The following GBP6 variants were observed in gnomAD, a reference collection of about 807,000 sequenced individuals.
GBP6 encodes the protein guanylate-binding protein 6.
Under a neutral mutation model 61.5 loss-of-function variants are expected in GBP6, and 54 were observed. That is an observed-to-expected ratio of 0.88 (90% CI 0.71 to 1.10). GBP6 has a LOEUF of 1.10. GBP6 is among the 50% of genes least tolerant of loss of function. GBP6 has a pLI of 0.00. For missense variants in GBP6, 748 were observed against 752.8 expected (o/e 0.99, Z 0.07); for synonymous variants, 255 against 273.7 (o/e 0.93, Z 0.67).
In GBP6 at chr1:89,369,619, G is replaced by A. The variant is rs762872417; in HGVS notation, c.264G>A (p.Lys88=). ...IWMWCVPHPS[K]PNHTLVLLDT... is the part of the protein sequence containing the mutation. ...TGTGGTGCGTGCCCCACCCATCCAA[G>A]CCAAACCACACCCTGGTCCTTCTGG... Residue 88 remains lysine (K), a synonymous_variant, in exon 3 of 11, where the codon AAG becomes AAA. Coordinates refer to ENST00000370456, the MANE Select transcript of GBP6 (RefSeq NM_198460.3). The A allele has an allele frequency of 6.2e-7, 1 of 1,614,096 alleles. No homozygotes were observed. The highest frequency in any genetic ancestry group is 8.5e-7 in the Non-Finnish European group (1 of 1,179,972).
intron 3 of GBP6, among the ~76,000 whole-genome samples, chr1:89,374,906 T>C (rs1236034170): frequency 6.6e-6 from 1 of 152,112 alleles, no homozygotes; most frequent in Non-Finnish European, 1.5e-5. Context: ...TTTTTCCTGC[T>C]TCTCTCCCTC....
intron 3 of GBP6, among the ~76,000 whole-genome samples, chr1:89,373,336 G>A (rs890775104): frequency 6.6e-6 from 1 of 152,118 alleles, no homozygotes; most frequent in African/African-American, 2.4e-5. Flanking sequence ...AAGGATTATA[G>A]ATCATGCTGC....
rs1324297741 is a variant in GBP6 at position 89,384,232 on chromosome 1, G to A, written c.1608G>A (p.Met536Ile). The change falls in exon 10 of 11, where the codon ATG (methionine) becomes ATA (isoleucine). Residue 536 changes from methionine (M) to isoleucine (I), a missense_variant. Met to Ile is a conservative substitution (Grantham distance 10). Coordinates refer to ENST00000370456, the MANE Select transcript of GBP6 (RefSeq NM_198460.3). ...NIAQLKEKLQ[M>I]EREHLLREQI... ...CCCAACTGAAGGAGAAGCTGCAGAT[G>A]GAGAGAGAACACCTACTGAGAGAGC... 1 of 1,614,054 alleles carries A rather than the reference G, an allele frequency of 6.2e-7. No homozygotes were observed. Among genetic ancestry groups the A allele is most frequent in the Non-Finnish European group, 8.5e-7 (1 of 1,179,992 alleles).
intron 3 of GBP6, among the ~76,000 whole-genome samples, chr1:89,376,004 T>G (rs1183674397): frequency 6.6e-6 from 1 of 152,196 alleles, no homozygotes; most frequent in Non-Finnish European, 1.5e-5. Context: ...TCTACTGCTA[T>G]GAGTTCAACT....
At chr1:89,367,524 G>T (rs76424206) in intron 1 of GBP6, among the ~76,000 whole-genome samples, 1 of 152,020 alleles carries the variant, frequency 6.6e-6, no homozygotes. Flanking sequence ...GGCTATTGTT[G>T]CTATTGAGTT....
intron 5 of GBP6, among the ~76,000 whole-genome samples, chr1:89,379,673 T>C (rs1419612673): frequency 6.6e-6 from 1 of 152,252 alleles, no homozygotes; most frequent in Non-Finnish European, 1.5e-5. Flanking sequence ...TCTGAGTGTG[T>C]ATCTGATAAA....
intron 5 of GBP6, among the ~76,000 whole-genome samples, 165 bp downstream of exon 5, chr1:89,378,778 C>T (rs1302174981): frequency 1.3e-5 from 2 of 152,154 alleles, no homozygotes; most frequent in Non-Finnish European, 2.9e-5. Context: ...GCCTAGTTCA[C>T]TTAAGAAAAG....
Position 89,385,351 on chromosome 1 carries a change from G to T in GBP6, c.1784G>T (p.Arg595Leu), listed in dbSNP as rs1411352004. Residue 595 changes from arginine to leucine, a missense_variant, in exon 11 of 11, where the codon CGA (arginine) becomes CTA (leucine). Arg to Leu is a moderately radical substitution (Grantham distance 102). Coordinates refer to ENST00000370456, the MANE Select transcript of GBP6 (RefSeq NM_198460.3). ...AATGATGATACTCCCTGGATTGCAC[G>T]AACCTTGGACAACCTTGCCGATGAG... ...TKNDDTPWIA[R>L]TLDNLADELT... is the part of the protein sequence containing the mutation. 4 of 1,614,048 alleles carry T rather than the reference G, an allele frequency of 2.5e-6. No individual in the cohort carries two copies. The South Asian group carries it at 3.3e-5, about 13-fold the overall frequency.
intron 5 of GBP6, among the ~76,000 whole-genome samples, chr1:89,380,170 G>A (rs1209968418): frequency 3.3e-5 from 5 of 152,136 alleles, no homozygotes; most frequent in Admixed American, 1.3e-4. Flanking sequence ...TTATATTCTT[G>A]TTACATTTAG....
intron 5 of GBP6, among the ~76,000 whole-genome samples, chr1:89,379,198 T>C (rs1004434773): frequency 1.3e-5 from 2 of 152,042 alleles, no homozygotes; most frequent in African/African-American, 4.8e-5. Flanking sequence ...TGTCACATGG[T>C]GAGAAAGGGA....
intron 3 of GBP6, among the ~76,000 whole-genome samples, chr1:89,374,662 T>C (rs562874596): frequency 7.2e-5 from 11 of 152,206 alleles, no homozygotes; most frequent in Non-Finnish European, 1.5e-4. Context: ...TAATTTGCAT[T>C]TCCTTGATAA....
At chr1:89,371,499 C>T (rs1398327101) in intron 3 of GBP6, among the ~76,000 whole-genome samples, 3 of 152,156 alleles carry the variant, frequency 2.0e-5, no homozygotes, top group African/African-American at 7.2e-5. Context: ...GGATGCAAGG[C>T]TGGTTCAACA....
intron 9 of GBP6, 138 bp downstream of exon 9, chr1:89,383,892 A>C: frequency 2.4e-6 from 2 of 829,994 alleles, no homozygotes; most frequent in Non-Finnish European, 3.8e-6. Flanking sequence ...TAAAATAACA[A>C]GGGGAGCTAT....
At position 89,384,349 on chromosome 1, in the gene GBP6, G is replaced by T. The variant is rs1653076391; in HGVS notation, c.1662+63G>T. On this transcript the variant is annotated intron_variant, in intron 10 of 10. Coordinates refer to ENST00000370456, the MANE Select transcript of GBP6 (RefSeq NM_198460.3). ...TCACCCAGGTACCTCAGGAAGGGCT[G>T]GTGAAGGTTACAGCAACATCATGAA... The T allele has an allele frequency of 2.9e-6, 4 of 1,358,246 alleles. No homozygotes were observed. In the African/African-American group the frequency reaches 5.9e-5, roughly 20 times the overall value. 84.1% of individuals were successfully genotyped at this position (1,358,246 alleles called of 1,614,324 possible). A position where few individuals can be genotyped will look rare whatever the true frequency, so the allele number is the denominator to read the frequency against.
At chr1:89,370,221 G>A (rs1457402309) in intron 3 of GBP6, among the ~76,000 whole-genome samples, 1 of 152,170 alleles carries the variant, frequency 6.6e-6, no homozygotes, top group East Asian at 1.9e-4. Context: ...TGTGATCCAG[G>A]CAGCACCTCA....
At position 89,384,158 on chromosome 1, in the gene GBP6, C is replaced by G; in HGVS notation, c.1534C>G (p.Gln512Glu). 6.2e-7 allele frequency: 1 copy of G among 1,614,004 alleles called. No individual in the cohort carries two copies. The highest frequency in any genetic ancestry group is 8.5e-7 in the Non-Finnish European group (1 of 1,179,932). Residue 512 changes from glutamine to glutamate, a missense_variant, in exon 10 of 11, where the codon CAG (glutamine) becomes GAG (glutamate). Transcript: ENST00000370456. ...QELLKQKLQE[Q>E]QQQMEAQDKS... ...ACTTTTAAAACAGAAATTACAGGAG[C>G]AGCAGCAACAGATGGAGGCTCAAGA...
At chr1:89,375,140 A>T (rs1034683489) in intron 3 of GBP6, among the ~76,000 whole-genome samples, 1 of 152,164 alleles carries the variant, frequency 6.6e-6, no homozygotes, top group Non-Finnish European at 1.5e-5. Context: ...TATTGTGTTT[A>T]TGTACCACAT....
In GBP6 at chr1:89,378,103, G is replaced by A; in HGVS notation, c.319G>A (p.Gly107Ser). Residue 107 changes from glycine (G) to serine (S), a missense_variant and splice_region_variant, in exon 4 of 11, where the codon GGT becomes AGT. Physicochemically the swap from Gly to Ser is moderately conservative, Grantham distance 56. Transcript: ENST00000370456. ...DTEGLGDVEK[G>S]DPKNDSWIFA... ...TCCTTTGCTCTAATGTGCTTTTTAG[G>A]GTGACCCTAAGAATGACTCCTGGAT... 6.2e-7 allele frequency: 1 copy of A among 1,610,778 alleles called. No individual in the cohort carries two copies. Among genetic ancestry groups the A allele is most frequent in the Non-Finnish European group, 8.5e-7 (1 of 1,179,240 alleles).
At chr1:89,378,666 A>G in intron 5 of GBP6, 53 bp downstream of exon 5, 2 of 1,352,976 alleles carry the variant, frequency 1.5e-6, no homozygotes, top group Non-Finnish European at 2.1e-6. Context: ...GTGATCTGCT[A>G]AACACTGCCC....
Sources: gnomAD v4.1 joint callset for allele counts (sites outside exome capture counted in the v4.1 genomes callset) on GRCh38, gnomAD v4.1.1 for gene constraint, MANE v1.5 for transcripts, NCBI Gene and HGNC (gene_info 2026-07-23, HGNC 2026-07-21) for gene names.